The following SSBP3 variants were observed in gnomAD, a reference collection of about 807,000 sequenced individuals.
SSBP3 encodes single stranded DNA binding protein 3, also known as single-stranded DNA-binding protein 3.
A neutral mutation model predicts 69.6 loss-of-function variants in SSBP3; 5 were observed. That is an observed-to-expected ratio of 0.07 (90% CI 0.04 to 0.15). The LOEUF is 0.15. Ranked by LOEUF, SSBP3 falls within the 10% of genes least tolerant of loss-of-function variation. The probability of loss-of-function intolerance (pLI) is 1.00; values close to 1 mark genes in which losing one functional copy is unlikely to be tolerated. For missense variants in SSBP3, 312 were observed against 534.0 expected (o/e 0.58, Z 4.10); for synonymous variants, 196 against 193.4 (o/e 1.01, Z -0.11).
chr1:54,375,333 A>C (rs1186332852), intron 4 of SSBP3, among the ~76,000 whole-genome samples: 1 of 144,728 alleles, frequency 6.9e-6, no homozygotes. Flanking sequence ...GGGGGGGATC[A>C]CACTGCATGC....
exon 18 of SSBP3, chr1:54,226,835 C>T (rs561166452): frequency 8.5e-5 from 34 of 402,150 alleles, no homozygotes; most frequent in Non-Finnish European, 1.5e-4. Flanking sequence ...GTGTCATGTA[C>T]AGAAAAGGTC....
chr1:54,379,663 A>G (rs1007104374), intron 4 of SSBP3, among the ~76,000 whole-genome samples: 3 of 152,202 alleles, frequency 2.0e-5, no homozygotes. Context: ...GGCTGTCACC[A>G]TCGGCAGGGA....
At chr1:54,227,656 C>G (rs779546054) in intron 17 of SSBP3, among the ~76,000 whole-genome samples, 30 of 152,174 alleles carry the variant, frequency 2.0e-4, no homozygotes, top group Non-Finnish European at 4.0e-4. Context: ...AGGCTTACAG[C>G]AGCCTCAACC....
At chr1:54,332,711 C>T (rs1452384702) in intron 4 of SSBP3, among the ~76,000 whole-genome samples, 1 of 152,046 alleles carries the variant, frequency 6.6e-6, no homozygotes, top group African/African-American at 2.4e-5. Flanking sequence ...CTAAGGCATC[C>T]CTCTGTCTGC....
At position 54,265,129 on chromosome 1, in the gene SSBP3, G is replaced by C. The variant is rs3766429; in HGVS notation, c.367-6980C>G. 1.0e-3 allele frequency among the ~76,000 whole-genome samples: 155 copies of C among 152,330 alleles called. 2 individuals are homozygous for C. The East Asian group carries it at 0.028, about 28-fold the overall frequency. ...TGTGCTCAGGTGCCATGGACATCCG[G>C]AATCTGTCACCATGGTCTGCCTCAC... On this transcript the variant is annotated intron_variant, in intron 5 of 17. Transcript: ENST00000610401.
intron 4 of SSBP3, among the ~76,000 whole-genome samples, chr1:54,372,046 T>C (rs1647144451): frequency 6.6e-6 from 1 of 152,082 alleles, no homozygotes; most frequent in African/African-American, 2.4e-5. Flanking sequence ...AGTTAATGAG[T>C]ATCTCCAACA....
At chr1:54,228,269 A>G (rs1644321689) in exon 17 of SSBP3, 1 of 1,613,782 alleles carries the variant, frequency 6.2e-7, no homozygotes, top group African/African-American at 1.3e-5. Flanking sequence ...TCGTTCTGAA[A>G]GGAGTGGAGG....
At chr1:54,405,340 G>A (rs574753381) in intron 1 of SSBP3, 35 of 230,244 alleles carry the variant, frequency 1.5e-4, no homozygotes, top group African/African-American at 6.3e-4. Context: ...CTCTGGAGAG[G>A]GCAGCAAAGC....
intron 4 of SSBP3, among the ~76,000 whole-genome samples, chr1:54,291,441 G>C (rs1440511419): frequency 6.6e-6 from 1 of 152,070 alleles, no homozygotes; most frequent in Admixed American, 6.5e-5. Context: ...GGAAGGCAGT[G>C]AGCAGTGGAC....
intron 4 of SSBP3, among the ~76,000 whole-genome samples, chr1:54,377,174 A>G (rs1192240759): frequency 6.6e-6 from 1 of 152,210 alleles, no homozygotes; most frequent in Non-Finnish European, 1.5e-5. Flanking sequence ...CACAGGCCTC[A>G]TCGCCATTAC....
rs533690880 is a variant in SSBP3 at position 54,263,035 on chromosome 1, T to C, written c.367-4886A>G. Among the ~76,000 whole-genome samples the C allele has an allele frequency of 2.6e-5, 4 of 152,288 alleles. No individual in the cohort carries two copies. In the East Asian group the frequency reaches 5.8e-4, roughly 22 times the overall value. On this transcript the variant is annotated intron_variant, in intron 5 of 17. Coordinates refer to ENST00000610401, the Ensembl canonical transcript of SSBP3. ...ATTCTTTCTCCTGTAATTTCAGCAC[T>C]GGGTAGTGTTCCATCCAGCAGCTCC...
chr1:54,232,012 C>T (rs747108308), intron 14 of SSBP3, among the ~76,000 whole-genome samples: 16 of 152,144 alleles, frequency 1.1e-4, no homozygotes, highest in Non-Finnish European at 1.8e-4. Flanking sequence ...TCTACTTTAA[C>T]TTTTGTGTAC....
chr1:54,368,266 C>G (rs1306136358), intron 4 of SSBP3, among the ~76,000 whole-genome samples: 1 of 147,386 alleles, frequency 6.8e-6, no homozygotes, highest in Non-Finnish European at 1.5e-5. Context: ...CCACTGCACT[C>G]CAGCAGAACG....
chr1:54,381,362 G>A (rs1167373482), intron 4 of SSBP3, among the ~76,000 whole-genome samples: 5 of 116,860 alleles, frequency 4.3e-5, no homozygotes, highest in East Asian at 2.6e-4. Flanking sequence ...CAGCCTGGGC[G>A]ACAGAGTGAT....
chr1:54,339,715 C>T lies in SSBP3; in HGVS notation c.277-58188G>A, dbSNP rs950841391. Among the ~76,000 whole-genome samples, 4 of 152,162 alleles carry T rather than the reference C, an allele frequency of 2.6e-5. No individual in the cohort carries two copies. In the South Asian group the frequency reaches 6.2e-4, roughly 24 times the overall value. ...TTCACCTGAGGTCAGGAGTTCGAGA[C>T]CAGCCTGGCCAAGATGGCGAAACCC... On this transcript the variant is annotated intron_variant, in intron 4 of 17. Transcript: ENST00000610401.
intron 5 of SSBP3, among the ~76,000 whole-genome samples, chr1:54,267,617 G>T (rs1645124479): frequency 6.6e-6 from 1 of 152,210 alleles, no homozygotes; most frequent in South Asian, 2.1e-4. Context: ...GCAGCCCAAA[G>T]GCAGGCCTGG....
chr1:54,409,966 A>G (rs879715949), upstream of SSBP3, among the ~76,000 whole-genome samples: 1 of 152,176 alleles, frequency 6.6e-6, no homozygotes, highest in Non-Finnish European at 1.5e-5. Context: ...CATCTCCTTC[A>G]GAGAGCCTTC....
intron 4 of SSBP3, among the ~76,000 whole-genome samples, chr1:54,348,199 A>G (rs1470171799): frequency 8.2e-6 from 1 of 122,236 alleles, no homozygotes; most frequent in Non-Finnish European, 1.6e-5. Context: ...ACCGCCAAGG[A>G]AAGTCTGAGG....
At chr1:54,327,652 A>G (rs1397783886) in intron 4 of SSBP3, among the ~76,000 whole-genome samples, 1 of 152,182 alleles carries the variant, frequency 6.6e-6, no homozygotes, top group Non-Finnish European at 1.5e-5. Context: ...GCAGACAGGC[A>G]TAGTGGAAAG....
Sources: allele counts gnomAD v4.1 joint callset (sites outside exome capture counted in the v4.1 genomes callset), GRCh38; gene constraint gnomAD v4.1.1; transcripts MANE v1.5; gene names NCBI Gene and HGNC (gene_info 2026-07-23, HGNC 2026-07-21).